NRG3: variants seen among roughly 807,000 people sequenced by gnomAD.
NRG3 encodes the protein pro-neuregulin-3, membrane-bound isoform.
NRG3 carries 31 observed loss-of-function variants against 66.9 expected under a neutral mutation model. The observed-to-expected ratio is 0.46, with a 90% CI of 0.35 to 0.63. The LOEUF is 0.63. Among genes scored for constraint, NRG3 ranks in the 20% least tolerant of loss-of-function variants. NRG3 has a pLI of 0.00. For missense variants in NRG3, 910 were observed against 878.9 expected (o/e 1.04, Z -0.45); for synonymous variants, 393 against 359.4 (o/e 1.09, Z -1.06).
chr10:82,024,626 A>G (rs2062213150), intron 1 of NRG3, among the ~76,000 whole-genome samples: 2 of 151,998 alleles, frequency 1.3e-5, no homozygotes, highest in African/African-American at 4.8e-5. Flanking sequence ...GTGTAGAATG[A>G]GCACTAGACT....
At chr10:81,881,656 G>A (rs1441729740) in intron 1 of NRG3, among the ~76,000 whole-genome samples, 2 of 152,116 alleles carry the variant, frequency 1.3e-5, no homozygotes, top group Admixed American at 6.6e-5. Context: ...GGTTGACTCC[G>A]AAAGTTTGTA....
At position 82,625,529 on chromosome 10, in the gene NRG3, C is replaced by T. The variant is rs933324756; in HGVS notation, c.954-113048C>T. Among the ~76,000 whole-genome samples, 11 of 152,180 alleles carry T rather than the reference C, an allele frequency of 7.2e-5. No homozygotes were observed. The East Asian group carries it at 2.1e-3, about 29-fold the overall frequency. On this transcript the variant is annotated intron_variant, in intron 2 of 8. Transcript: ENST00000372141. ...AAGTGAGAATCAGGTATGAAGCAAT[C>T]CTTCTTAATGTAGGGCCCAGCTTTG...
At chr10:82,191,653 A>G (rs2074149352) in intron 1 of NRG3, among the ~76,000 whole-genome samples, 1 of 152,206 alleles carries the variant, frequency 6.6e-6, no homozygotes, top group African/African-American at 2.4e-5. Flanking sequence ...TTACAAAGGT[A>G]ACTCTACAAG....
At chr10:82,697,584 CAG>C (rs1234955089) in intron 2 of NRG3, among the ~76,000 whole-genome samples, 1 of 152,144 alleles carries the variant, frequency 6.6e-6, no homozygotes, top group African/African-American at 2.4e-5. Flanking sequence ...CTAAAATATT[CAG>C]AGTCTGGATG....
chr10:81,877,378 A>G (rs1360795851), intron 1 of NRG3, among the ~76,000 whole-genome samples: 1 of 152,126 alleles, frequency 6.6e-6, no homozygotes, highest in East Asian at 1.9e-4. Context: ...GCTATTTTGC[A>G]AAAAACTGTC....
intron 2 of NRG3, among the ~76,000 whole-genome samples, chr10:82,731,978 A>T (rs2134659278): frequency 6.6e-6 from 1 of 152,332 alleles, no homozygotes; most frequent in Admixed American, 6.5e-5. Context: ...TACCTAAAAA[A>T]TTGCTAACAG....
At chr10:82,832,804 TTGTGTGTG>T (rs139438548) in intron 3 of NRG3, among the ~76,000 whole-genome samples, 6 of 147,924 alleles carry the variant, frequency 4.1e-5, no homozygotes, top group East Asian at 4.0e-4. Flanking sequence ...ATGCATGTAA[TTGTGTGTG>T]TGTGTGTGTG....
intron 1 of NRG3, among the ~76,000 whole-genome samples, chr10:82,122,770 A>C (rs2068176566): frequency 1.3e-5 from 2 of 152,302 alleles, no homozygotes; most frequent in South Asian, 2.1e-4. Context: ...TATGTGTGTC[A>C]ACAAATTCTC....
At chr10:82,626,344 T>C (rs1023320133) in intron 2 of NRG3, among the ~76,000 whole-genome samples, 1 of 152,138 alleles carries the variant, frequency 6.6e-6, no homozygotes, top group Non-Finnish European at 1.5e-5. Flanking sequence ...ACCGGCTGTA[T>C]GGACCCTGGG....
At chr10:82,356,608 A>G (rs891172367) in intron 1 of NRG3, among the ~76,000 whole-genome samples, 4 of 152,190 alleles carry the variant, frequency 2.6e-5, no homozygotes, top group Non-Finnish European at 5.9e-5. Flanking sequence ...TTTTGTGCCA[A>G]AGTATTAACA....
rs920169738 is a variant in NRG3, at chr10:82,581,112, T to A, written c.954-157465T>A. ...GCACTATATGCTTGCCAGCCTTTGTTGTCTATGTTTTGGATTTTGATCATC... is the reference window on the plus strand; with the variant it reads ...GCACTATATGCTTGCCAGCCTTTGTAGTCTATGTTTTGGATTTTGATCATC... On this transcript the variant is annotated intron_variant, in intron 2 of 8. Coordinates refer to ENST00000372141, the MANE Select transcript of NRG3 (RefSeq NM_001010848.4). 2.0e-5 allele frequency among the ~76,000 whole-genome samples: 3 copies of A among 152,020 alleles called. No homozygotes were observed. In the South Asian group the frequency reaches 6.2e-4, roughly 31 times the overall value.
chr10:81,939,055 TC>T (rs1848169107), intron 1 of NRG3, among the ~76,000 whole-genome samples: 1 of 152,006 alleles, frequency 6.6e-6, no homozygotes, highest in Non-Finnish European at 1.5e-5. Context: ...ATGTAGCATA[TC>T]CCATTGATTG....
intron 2 of NRG3, among the ~76,000 whole-genome samples, chr10:82,562,018 G>A (rs1030996740): frequency 6.6e-6 from 1 of 152,104 alleles, no homozygotes; most frequent in Non-Finnish European, 1.5e-5. Flanking sequence ...TTAATAACAT[G>A]CATCTTGGAA....
chr10:82,853,228 T>A (rs1030668871), intron 3 of NRG3, among the ~76,000 whole-genome samples: 3 of 152,226 alleles, frequency 2.0e-5, no homozygotes, highest in East Asian at 1.9e-4. Context: ...AAAGCATTAG[T>A]AGAAATTAGT....
At chr10:82,603,105 C>T (rs1003283695) in intron 2 of NRG3, among the ~76,000 whole-genome samples, 6 of 152,128 alleles carry the variant, frequency 3.9e-5, no homozygotes, top group Admixed American at 2.0e-4. Context: ...TTTGTATGTA[C>T]ATTATTGTTC....
At chr10:82,263,116 C>A (rs1233561685) in intron 1 of NRG3, among the ~76,000 whole-genome samples, 1 of 152,056 alleles carries the variant, frequency 6.6e-6, no homozygotes, top group African/African-American at 2.4e-5. Flanking sequence ...AAGATGGTTT[C>A]CAAAACGATG....
chr10:82,771,718 G>C (rs2059718554), intron 3 of NRG3, among the ~76,000 whole-genome samples: 1 of 152,126 alleles, frequency 6.6e-6, no homozygotes, highest in South Asian at 2.1e-4. Context: ...ATGAAGAATT[G>C]ATGAATCACT....
chr10:81,947,722 G>T (rs771804339), intron 1 of NRG3, among the ~76,000 whole-genome samples: 9 of 151,830 alleles, frequency 5.9e-5, no homozygotes. Context: ...CACACCTGAA[G>T]TGTATGACCT....
chr10:81,875,639 C>A lies in NRG3; in HGVS notation c.299C>A (p.Thr100Asn). The change falls in exon 1 of 9, where the codon ACC becomes AAC. Residue 100 changes from threonine to asparagine, a missense_variant. By Grantham distance (65) the Thr-to-Asn change is moderately conservative. Transcript: ENST00000372141. This position sits in a 1 kb window ranked among gnomAD's most constrained non-coding sequence, Gnocchi z 5.3. ...GGCTCCGTCAAGGAGTACGTGCCCA[C>A]CGACCTAGTGGACTCCAAGGGGATG... ...VVGSVKEYVPTDLVDSKGMGQ... is the reference protein window; with the variant it reads ...VVGSVKEYVPNDLVDSKGMGQ... 6.2e-7 allele frequency: 1 copy of A among 1,613,874 alleles called. No homozygotes were observed. The highest frequency in any genetic ancestry group is 8.5e-7 in the Non-Finnish European group (1 of 1,179,970).
Sources: gnomAD v4.1 joint callset for allele counts (sites outside exome capture counted in the v4.1 genomes callset) on GRCh38, gnomAD v4.1.1 for gene constraint, Gnocchi (gnomAD v3.1) non-coding constraint, MANE v1.5 for transcripts, NCBI Gene and HGNC (gene_info 2026-07-23, HGNC 2026-07-21) for gene names.